Variants in VSNL1 observed in about 807,000 individuals in gnomAD.
VSNL1 encodes the protein visinin like 1, also known as visinin-like protein 1.
Under a neutral mutation model 20.4 loss-of-function variants are expected in VSNL1, and 6 were observed. The observed-to-expected ratio is 0.29, with a 90% CI of 0.16 to 0.58. The LOEUF (loss-of-function observed/expected upper bound fraction) is 0.58, where lower values mean the gene tolerates loss of function less well. VSNL1 is among the 20% of genes least tolerant of loss of function. The probability of loss-of-function intolerance (pLI) is 0.90; values close to 1 mark genes in which losing one functional copy is unlikely to be tolerated. For missense variants in VSNL1, 100 were observed against 234.5 expected, an observed-to-expected ratio of 0.43 and a Z score of 3.75; for synonymous variants, 93 against 86.4, an observed-to-expected ratio of 1.08 and a Z score of -0.42.
At chr2:17,651,077 C>T (rs1666112415) in intron 3 of VSNL1, among the ~76,000 whole-genome samples, 1 of 152,188 alleles carries the variant, frequency 6.6e-6, no homozygotes, top group African/African-American at 2.4e-5. Flanking sequence ...TCCAAGGTCT[C>T]TCTATAAGCT....
At chr2:17,641,129 G>T (rs913411853) in intron 2 of VSNL1, among the ~76,000 whole-genome samples, 5 of 152,150 alleles carry the variant, frequency 3.3e-5, no homozygotes, top group Admixed American at 3.3e-4. Context: ...TCACCATGAC[G>T]CTGTGAAATG....
intron 2 of VSNL1, among the ~76,000 whole-genome samples, chr2:17,633,429 G>A (rs1665682756): frequency 6.9e-6 from 1 of 145,426 alleles, no homozygotes; most frequent in Non-Finnish European, 1.5e-5. Flanking sequence ...TGAGGCACAA[G>A]AATTGCTTGA....
rs111948341 is a variant in VSNL1, at chr2:17,540,852, T to C, written c.-72T>C. 3,676 of 152,750 alleles carry C rather than the reference T, an allele frequency of 0.024. 44 individuals are homozygous for C. Among genetic ancestry groups the C allele is most frequent in the Middle Eastern group, 0.054 (16 of 294 alleles). The allele number at this position is 152,750 out of a possible 1,614,324, so 9.5% of individuals were successfully genotyped here. ...CTTAAGCGTTTACCCGAATTAAATA[T>C]ATATTTTTAAAAAGAACTGTTGAGT... is the stretch of plus-strand genomic sequence containing the variant. On this transcript the variant is annotated 5_prime_UTR_variant, in exon 1 of 4. Coordinates refer to ENST00000295156, the MANE Select transcript of VSNL1 (RefSeq NM_003385.5).
intron 1 of VSNL1, among the ~76,000 whole-genome samples, chr2:17,585,471 G>T (rs918076891): frequency 6.6e-6 from 1 of 152,062 alleles, no homozygotes; most frequent in Non-Finnish European, 1.5e-5. Flanking sequence ...CCAGCAATCC[G>T]GTGTCAGTTG....
In VSNL1 at chr2:17,548,237, AG is replaced by A. The variant is rs528901398; in HGVS notation, c.-6+7320del. On this transcript the variant is annotated intron_variant, in intron 1 of 3. Transcript: ENST00000295156. ...CCACCCCCACACACATCAAATCCAA[AG>A]TGACCTTATTGTTTTTAACTCCTCA... Among the ~76,000 whole-genome samples, 7 of 151,680 alleles carry A rather than the reference AG, an allele frequency of 4.6e-5. No homozygotes were observed. The South Asian group carries it at 1.5e-3, about 32-fold the overall frequency.
chr2:17,611,642 ACT>A (rs147028655), intron 2 of VSNL1, among the ~76,000 whole-genome samples: 1,726 of 152,252 alleles, frequency 0.011, 27 homozygotes, highest in African/African-American at 0.039. Context: ...CAACTCCAGA[ACT>A]CTCTGAAGAG....
At chr2:17,619,793 T>C (rs1665311335) in intron 2 of VSNL1, among the ~76,000 whole-genome samples, 1 of 152,066 alleles carries the variant, frequency 6.6e-6, no homozygotes, top group African/African-American at 2.4e-5. Context: ...TAAAGATTTA[T>C]TGGGCATATA....
chr2:17,564,808 T>C (rs1266614060), intron 1 of VSNL1, among the ~76,000 whole-genome samples: 1 of 152,164 alleles, frequency 6.6e-6, no homozygotes, highest in Non-Finnish European at 1.5e-5. Context: ...AAACAAATAG[T>C]TGCAATGAAC....
At chr2:17,543,555 T>C (rs1663341101) in intron 1 of VSNL1, among the ~76,000 whole-genome samples, 1 of 152,122 alleles carries the variant, frequency 6.6e-6, no homozygotes, top group African/African-American at 2.4e-5. Context: ...GTCTCCAGCC[T>C]TCCTGGAAAT....
intron 1 of VSNL1, among the ~76,000 whole-genome samples, chr2:17,570,283 A>G (rs1210699755): frequency 6.6e-6 from 1 of 152,214 alleles, no homozygotes; most frequent in Non-Finnish European, 1.5e-5. Context: ...ATAAAGATTA[A>G]CAAAACTGTA....
chr2:17,593,995 G>A lies in VSNL1; in HGVS notation c.162+1759G>A, dbSNP rs146959452. On this transcript the variant is annotated intron_variant, in intron 2 of 3. Transcript: ENST00000295156. ...GCAAGCTGTCACCCTATGATTAAGA[G>A]AGCACCGTGTGCCACGTTCCTCACT... Among the ~76,000 whole-genome samples the A allele has an allele frequency of 4.6e-5, 7 of 152,338 alleles. No homozygotes were observed. The East Asian group carries it at 1.3e-3, about 29-fold the overall frequency.
rs531183382 is a variant in VSNL1, at chr2:17,618,686, C to T, written c.162+26450C>T. 4.2e-4 allele frequency among the ~76,000 whole-genome samples: 64 copies of T among 152,196 alleles called. 1 individual carries two copies. Among genetic ancestry groups the T allele is most frequent in the Admixed American group, 1.6e-3 (24 of 15,286 alleles). On this transcript the variant is annotated intron_variant, in intron 2 of 3. Coordinates refer to ENST00000295156, the MANE Select transcript of VSNL1 (RefSeq NM_003385.5). The stretch of plus-strand genomic sequence containing the variant: ...ATTGTAAGAGTAATAATAATATTTC[C>T]GACAGACTGAGCACCTAACATGTGA...
chr2:17,653,005 A>T (rs2103433716), intron 3 of VSNL1, among the ~76,000 whole-genome samples: 2 of 152,282 alleles, frequency 1.3e-5, no homozygotes, highest in South Asian at 4.2e-4. Flanking sequence ...ACAGTCTTGC[A>T]CTGTCAGTTG....
chr2:17,549,974 G>A (rs1270694746), intron 1 of VSNL1, among the ~76,000 whole-genome samples: 1 of 152,094 alleles, frequency 6.6e-6, no homozygotes. Context: ...TGTGCTTTAG[G>A]CATCATAGTG....
At chr2:17,567,353 C>CTTTTTTTTTTTTT (rs57144136) in intron 1 of VSNL1, 4 of 84,554 alleles carry the variant, frequency 4.7e-5, no homozygotes, top group African/African-American at 2.0e-4. Flanking sequence ...TAGAGTCTCA[C>CTTTTTTTTTTTTT]TTTTTTTTTT....
chr2:17,599,204 G>A (rs898912426), intron 2 of VSNL1, among the ~76,000 whole-genome samples: 1 of 152,206 alleles, frequency 6.6e-6, no homozygotes, highest in Non-Finnish European at 1.5e-5. Context: ...ACACTGGGTT[G>A]ATTGTGATCA....
At chr2:17,542,136 CA>C (rs1663298125) in intron 1 of VSNL1, among the ~76,000 whole-genome samples, 1 of 151,982 alleles carries the variant, frequency 6.6e-6, no homozygotes, top group African/African-American at 2.4e-5. Flanking sequence ...CAGGTTGAGA[CA>C]AATTTAAAAT....
chr2:17,614,183 T>A (rs1665159025), intron 2 of VSNL1, among the ~76,000 whole-genome samples: 1 of 152,224 alleles, frequency 6.6e-6, no homozygotes, highest in South Asian at 2.1e-4. Flanking sequence ...CTGAGGGCAC[T>A]GTAAGACTCG....
At chr2:17,575,209 C>T (rs1664179091) in intron 1 of VSNL1, among the ~76,000 whole-genome samples, 1 of 152,204 alleles carries the variant, frequency 6.6e-6, no homozygotes, top group Non-Finnish European at 1.5e-5. Context: ...GAAATGCAGG[C>T]TGGTTGCTGG....
Sources: allele counts gnomAD v4.1 joint callset (sites outside exome capture counted in the v4.1 genomes callset), GRCh38; gene constraint gnomAD v4.1.1; transcripts MANE v1.5; gene names NCBI Gene and HGNC (gene_info 2026-07-23, HGNC 2026-07-21).